The following FRAS1 variants were observed in gnomAD, a reference collection of about 807,000 sequenced individuals.
FRAS1 encodes the protein Fraser extracellular matrix complex subunit 1, also known as extracellular matrix organizing protein FRAS1.
A neutral mutation model predicts 435.2 loss-of-function variants in FRAS1; 290 were observed. The ratio of observed to expected loss-of-function variants is 0.67; its 90% CI spans 0.61 to 0.73. The LOEUF (loss-of-function observed/expected upper bound fraction) is 0.73, where lower values mean the gene tolerates loss of function less well. Ranked by LOEUF, FRAS1 falls within the 30% of genes least tolerant of loss-of-function variation. FRAS1 has a pLI of 0.00. For missense variants in FRAS1, 4,860 were observed against 5,001.5 expected, an observed-to-expected ratio of 0.97 and a Z score of 0.85; for synonymous variants, 1,800 against 1,851.0, an observed-to-expected ratio of 0.97 and a Z score of 0.71.
At chr4:78,283,267 A>C (rs1385683031) in intron 12 of FRAS1, among the ~76,000 whole-genome samples, 3 of 152,216 alleles carry the variant, frequency 2.0e-5, no homozygotes, top group Admixed American at 6.5e-5. Flanking sequence ...AAATCAAGCA[A>C]CATGTTTGAA....
chr4:78,249,831 CTCTG>C (rs1725448958), intron 4 of FRAS1, among the ~76,000 whole-genome samples: 1 of 152,036 alleles, frequency 6.6e-6, no homozygotes, highest in Non-Finnish European at 1.5e-5. Flanking sequence ...TTTTTCTGGT[CTCTG>C]TCTGAAAGGT....
chr4:78,137,555 G>T (rs1471555598), intron 2 of FRAS1, among the ~76,000 whole-genome samples: 1 of 152,228 alleles, frequency 6.6e-6, no homozygotes, highest in African/African-American at 2.4e-5. Flanking sequence ...CTGTCTCTCA[G>T]AAATGGATGT....
intron 28 of FRAS1, among the ~76,000 whole-genome samples, chr4:78,385,626 C>T (rs1461090817): frequency 2.0e-5 from 3 of 152,128 alleles, no homozygotes; most frequent in Admixed American, 6.5e-5. Context: ...TGGCTTATGC[C>T]TGTAATCCCA....
At chr4:78,162,347 C>T (rs1428841001) in intron 2 of FRAS1, among the ~76,000 whole-genome samples, 1 of 152,082 alleles carries the variant, frequency 6.6e-6, no homozygotes, top group Non-Finnish European at 1.5e-5. Context: ...TCTTGTTGTT[C>T]GGTCTCCCAA....
chr4:78,243,994 CT>C (rs1186833139), intron 3 of FRAS1, among the ~76,000 whole-genome samples: 1 of 152,032 alleles, frequency 6.6e-6, no homozygotes, highest in African/African-American at 2.4e-5. Flanking sequence ...TCAGAGGACA[CT>C]TTTCTGAAAA....
intron 61 of FRAS1, among the ~76,000 whole-genome samples, chr4:78,500,380 A>G (rs970239811): frequency 6.6e-6 from 1 of 152,184 alleles, no homozygotes; most frequent in Non-Finnish European, 1.5e-5. Flanking sequence ...CACAATTTAT[A>G]TGGAGATGAG....
rs375744785 is a variant in FRAS1, at chr4:78,111,842, A to T, written c.108+45826A>T. 4.2e-4 allele frequency among the ~76,000 whole-genome samples: 64 copies of T among 152,182 alleles called. No homozygotes were observed. In the East Asian group the frequency reaches 7.9e-3, roughly 19 times the overall value. Reference sequence around the variant, plus strand: ...TAGTTCACTGAGACAGAAAGAAAAAACGTAGAAAATAAAAGGAGAATAAAA... The same window carrying T: ...TAGTTCACTGAGACAGAAAGAAAAATCGTAGAAAATAAAAGGAGAATAAAA... On this transcript the variant is annotated intron_variant, in intron 2 of 73. Transcript: ENST00000512123.
intron 2 of FRAS1, among the ~76,000 whole-genome samples, chr4:78,119,266 G>A (rs943280405): frequency 2.0e-5 from 3 of 152,090 alleles, no homozygotes; most frequent in African/African-American, 4.8e-5. Context: ...CAGTGATAGA[G>A]CATGCTAGAG....
intron 66 of FRAS1, 125 bp from the exon 67 acceptor site, chr4:78,519,206 C>A (rs1412129414): frequency 2.6e-6 from 2 of 760,862 alleles, no homozygotes; most frequent in Non-Finnish European, 3.8e-6. Context: ...TGGGCACTTG[C>A]TTAATAATTA....
chr4:78,459,411 A>T (rs1037382062), intron 47 of FRAS1, among the ~76,000 whole-genome samples: 1 of 152,016 alleles, frequency 6.6e-6, no homozygotes, highest in African/African-American at 2.4e-5. Flanking sequence ...ATTCACACAC[A>T]TGTTTGGTAG....
intron 61 of FRAS1, among the ~76,000 whole-genome samples, chr4:78,502,745 T>C (rs944156517): frequency 3.9e-5 from 6 of 152,164 alleles, no homozygotes; most frequent in Non-Finnish European, 7.4e-5. Context: ...GAACTTCCAA[T>C]ACTGTGTTGA....
rs368706678 is a variant in FRAS1 at position 78,223,107 on chromosome 4, G to A, written c.109-14403G>A. On this transcript the variant is annotated intron_variant, in intron 2 of 73. Transcript: ENST00000512123. ...TGTTGTTAGAGAATACAACCGGTGT[G>A]TATTTTGCTGACTGCGGGAGTGGAT... Among the ~76,000 whole-genome samples the A allele has an allele frequency of 5.9e-4, 90 of 152,326 alleles. 1 individual carries two copies. Among genetic ancestry groups the A allele is most frequent in the African/African-American group, 2.1e-3 (88 of 41,576 alleles).
Position 78,334,363 on chromosome 4 carries a change from C to CTTTTTTTTTTTTTTTTT in FRAS1, c.2278+961_2278+977dup, listed in dbSNP as rs1007481617. Among the ~76,000 whole-genome samples the CTTTTTTTTTTTTTTTTT allele has an allele frequency of 2.2e-5, 2 of 92,270 alleles. 1 individual carries two copies. Among genetic ancestry groups the CTTTTTTTTTTTTTTTTT allele is most frequent in the African/African-American group, 9.1e-5 (2 of 22,090 alleles). The allele number at this position is 92,270 out of a possible 152,430, so 60.5% of individuals were successfully genotyped here. On this transcript the variant is annotated intron_variant, in intron 19 of 73. Coordinates refer to ENST00000512123, the MANE Select transcript of FRAS1 (RefSeq NM_025074.7). ...AAAACATAAAGTCATAACCAATTTTCTTTTTTTTTTTTTTTTTTTTTTTTT... is the reference window on the plus strand; with the variant it reads ...AAAACATAAAGTCATAACCAATTTTCTTTTTTTTTTTTTTTTTTTTTTTTTTTTTTTTTTTTTTTTTT...
chr4:78,070,825 C>T (rs959536547), intron 2 of FRAS1: 1 of 152,222 alleles, frequency 6.6e-6, no homozygotes, highest in African/African-American at 2.4e-5. Context: ...TGACTTGACT[C>T]TTCACTTCAA....
intron 33 of FRAS1, among the ~76,000 whole-genome samples, chr4:78,419,891 A>T (rs1425984208): frequency 6.6e-6 from 1 of 152,020 alleles, no homozygotes; most frequent in Non-Finnish European, 1.5e-5. Flanking sequence ...TTTTGTTTAA[A>T]ATCTCACTCA....
At chr4:78,295,675 T>G (rs1728111883) in intron 14 of FRAS1, among the ~76,000 whole-genome samples, 1 of 152,126 alleles carries the variant, frequency 6.6e-6, no homozygotes, top group Non-Finnish European at 1.5e-5. Context: ...ATAACTACAC[T>G]AATGTGATTT....
At chr4:78,299,458 G>A (rs1248988892) in intron 14 of FRAS1, among the ~76,000 whole-genome samples, 1 of 152,280 alleles carries the variant, frequency 6.6e-6, no homozygotes, top group East Asian at 1.9e-4. Context: ...GATGAAACTC[G>A]GGGTGACAGC....
At chr4:78,127,858 C>T (rs541752229) in intron 2 of FRAS1, among the ~76,000 whole-genome samples, 10 of 150,956 alleles carry the variant, frequency 6.6e-5, no homozygotes, top group African/African-American at 2.2e-4. Context: ...CCCAATAACT[C>T]GTCATTTAGC....
intron 49 of FRAS1, among the ~76,000 whole-genome samples, chr4:78,465,432 G>C (rs1324498422): frequency 1.3e-5 from 2 of 152,232 alleles, no homozygotes; most frequent in African/African-American, 4.8e-5. Flanking sequence ...TGCTGCTTTA[G>C]AGTATCCAGA....
Sources: allele counts gnomAD v4.1 joint callset (sites outside exome capture counted in the v4.1 genomes callset), GRCh38; gene constraint gnomAD v4.1.1; transcripts MANE v1.5; gene names NCBI Gene and HGNC (gene_info 2026-07-23, HGNC 2026-07-21).